Variants in CEP170 observed in about 807,000 individuals in gnomAD.
The protein encoded by CEP170 is centrosomal protein of 170 kDa.
CEP170 carries 21 observed loss-of-function variants against 151.9 expected under a neutral mutation model. The observed-to-expected ratio is 0.14, with a 90% CI of 0.10 to 0.20. The LOEUF is 0.20. Among genes scored for constraint, CEP170 ranks in the 10% least tolerant of loss-of-function variants. The pLI is 1.00. For synonymous variants in CEP170, 356 were observed against 648.8 expected (o/e 0.55, Z 6.86); for missense variants, 964 against 1,892.9 (o/e 0.51, Z 9.11).
chr1:243,159,802 T>TGTGTGTGTGTGTGTGTGTGTG (rs58250126), intron 13 of CEP170, among the ~76,000 whole-genome samples: 98 of 150,912 alleles, frequency 6.5e-4, no homozygotes, highest in Middle Eastern at 3.4e-3. Context: ...TGTGTGTGTG[T>TGTGTGTGTGTGTGTGTGTGTG]TTTTGAGATG....
intron 1 of CEP170, among the ~76,000 whole-genome samples, chr1:243,234,168 C>T (rs1351112719): frequency 6.6e-6 from 1 of 152,148 alleles, no homozygotes; most frequent in African/African-American, 2.4e-5. Flanking sequence ...GCTGGCCTCA[C>T]ATTAGGACTA....
chr1:243,206,226 T>TG (rs1408964671), intron 4 of CEP170, among the ~76,000 whole-genome samples: 2 of 152,184 alleles, frequency 1.3e-5, no homozygotes, highest in African/African-American at 4.8e-5. Context: ...CTCCGCCTTC[T>TG]GGGTTCAAGA....
At chr1:243,231,551 T>G (rs2063760790) in intron 1 of CEP170, among the ~76,000 whole-genome samples, 1 of 152,152 alleles carries the variant, frequency 6.6e-6, no homozygotes, top group South Asian at 2.1e-4. Context: ...AATTATAATA[T>G]TACGGGGGAG....
intron 10 of CEP170, among the ~76,000 whole-genome samples, chr1:243,183,717 A>G (rs2059772056): frequency 3.3e-5 from 5 of 152,114 alleles, no homozygotes; most frequent in Admixed American, 3.3e-4. Flanking sequence ...TCTGGTTTAT[A>G]CAAACTAAGA....
At chr1:243,187,234 C>T (rs572345823) in intron 8 of CEP170, among the ~76,000 whole-genome samples, 26 of 152,174 alleles carry the variant, frequency 1.7e-4, no homozygotes, top group Non-Finnish European at 3.1e-4. Flanking sequence ...TTTGAAAGAT[C>T]ACCTCTTTAA....
chr1:243,131,692 G>C (rs947957576), intron 17 of CEP170, among the ~76,000 whole-genome samples: 4 of 151,972 alleles, frequency 2.6e-5, no homozygotes, highest in African/African-American at 9.7e-5. Flanking sequence ...ACCAGAACTT[G>C]TTTTTGTTTG....
intron 10 of CEP170, among the ~76,000 whole-genome samples, chr1:243,173,522 G>C (rs1299036517): frequency 6.6e-6 from 1 of 151,624 alleles, no homozygotes; most frequent in Non-Finnish European, 1.5e-5. Flanking sequence ...GATCACTTGA[G>C]GTCAGGAGTT....
At chr1:243,225,967 A>ATC (rs2063186516) in intron 1 of CEP170, among the ~76,000 whole-genome samples, 2 of 148,902 alleles carry the variant, frequency 1.3e-5, no homozygotes, top group Admixed American at 6.7e-5. Flanking sequence ...TGGGCAATAC[A>ATC]TATCTATCTA....
intron 17 of CEP170, among the ~76,000 whole-genome samples, chr1:243,133,355 A>G (rs2054640013): frequency 6.6e-6 from 1 of 152,274 alleles, no homozygotes. Flanking sequence ...TCAATGAATG[A>G]ATGAGTCTGG....
intron 10 of CEP170, 79 bp from the exon 11 acceptor site, chr1:243,172,925 C>G: frequency 1.5e-6 from 2 of 1,318,352 alleles, no homozygotes; most frequent in Non-Finnish European, 2.0e-6. Flanking sequence ...TAATTAACTT[C>G]AGAGGCAAAT....
At chr1:243,225,829 A>G (rs1306089410) in intron 1 of CEP170, among the ~76,000 whole-genome samples, 1 of 151,938 alleles carries the variant, frequency 6.6e-6, no homozygotes, top group African/African-American at 2.4e-5. Flanking sequence ...TGCAATTTCA[A>G]TTTCTTTTTC....
intron 10 of CEP170, among the ~76,000 whole-genome samples, chr1:243,180,749 C>G (rs542187045): frequency 2.0e-5 from 3 of 152,328 alleles, no homozygotes; most frequent in African/African-American, 7.2e-5. Flanking sequence ...CACTGACTTT[C>G]TTGAGCTGTT....
intron 1 of CEP170, among the ~76,000 whole-genome samples, chr1:243,233,748 A>G (rs2063996055): frequency 7.9e-6 from 1 of 127,230 alleles, no homozygotes; most frequent in Middle Eastern, 3.6e-3. Context: ...AAAAATATAT[A>G]TATATATATA....
intron 1 of CEP170, among the ~76,000 whole-genome samples, chr1:243,254,765 G>A (rs2066429865): frequency 6.6e-6 from 1 of 150,854 alleles, no homozygotes; most frequent in Non-Finnish European, 1.5e-5. Flanking sequence ...GGAAAGCCGG[G>A]GGGCCGCAGG....
In CEP170 at chr1:243,124,618, T is replaced by C. The variant is rs1211357554; in HGVS notation, c.*1831A>G. The C allele has an allele frequency of 6.6e-6, 1 of 152,284 alleles. No individual in the cohort carries two copies. Among genetic ancestry groups the C allele is most frequent in the Non-Finnish European group, 1.5e-5 (1 of 67,912 alleles). The allele number at this position is 152,284 out of a possible 1,614,324, so 9.4% of individuals were successfully genotyped here. On this transcript the variant is annotated 3_prime_UTR_variant, in exon 20 of 20. Transcript: ENST00000366542. ...CACTTAAACAAGAATGTAAGCAGAGTAGATTCTAGTATTTTCCTAAACTCC... is the reference window on the plus strand; with the variant it reads ...CACTTAAACAAGAATGTAAGCAGAGCAGATTCTAGTATTTTCCTAAACTCC...
intron 1 of CEP170, among the ~76,000 whole-genome samples, chr1:243,234,983 C>T (rs896327770): frequency 5.3e-5 from 8 of 151,878 alleles, no homozygotes; most frequent in Admixed American, 2.6e-4. Flanking sequence ...TCTTCAAGTT[C>T]GAGAAAATGG....
chr1:243,146,666 GAA>G (rs914144893), intron 14 of CEP170, among the ~76,000 whole-genome samples: 4 of 122,100 alleles, frequency 3.3e-5, no homozygotes, highest in African/African-American at 5.8e-5. Context: ...GGCATGGGAA[GAA>G]AAAAAAAAAA....
At chr1:243,130,217 G>C (rs1482711946) in intron 17 of CEP170, among the ~76,000 whole-genome samples, 1 of 152,112 alleles carries the variant, frequency 6.6e-6, no homozygotes, top group African/African-American at 2.4e-5. Context: ...ATAAACAATT[G>C]TGTCTGTTAA....
intron 13 of CEP170, among the ~76,000 whole-genome samples, chr1:243,158,577 G>A (rs1440559458): frequency 2.0e-5 from 3 of 152,110 alleles, no homozygotes; most frequent in African/African-American, 7.2e-5. Flanking sequence ...TACGTTAAAT[G>A]TCAGGTGATC....
Sources: allele counts gnomAD v4.1 joint callset (sites outside exome capture counted in the v4.1 genomes callset), GRCh38; gene constraint gnomAD v4.1.1; transcripts MANE v1.5; gene names NCBI Gene and HGNC (gene_info 2026-07-23, HGNC 2026-07-21).